The following RAB2A variants were observed in gnomAD, a reference collection of about 807,000 sequenced individuals.
RAB2A encodes the protein RAB2A, member RAS oncogene family.
In RAB2A, 7 loss-of-function variants were observed where a neutral mutation model predicts 32.5. The ratio of observed to expected loss-of-function variants is 0.22; its 90% CI spans 0.12 to 0.40. The LOEUF is 0.40. RAB2A is among the 10% of genes least tolerant of loss of function. The pLI, the probability that RAB2A is intolerant of heterozygous loss-of-function variation, is 1.00. For synonymous variants in RAB2A, 79 were observed against 85.2 expected (o/e 0.93, Z 0.40); for missense variants, 108 against 260.7 (o/e 0.41, Z 4.03).
intron 2 of RAB2A, among the ~76,000 whole-genome samples, chr8:60,560,439 A>T (rs1364190820): frequency 6.6e-6 from 1 of 152,206 alleles, no homozygotes. Context: ...CTCTTTGCTT[A>T]ATAGGTTTGA....
intron 2 of RAB2A, among the ~76,000 whole-genome samples, chr8:60,562,486 G>A (rs1341219249): frequency 6.6e-6 from 1 of 152,166 alleles, no homozygotes; most frequent in Non-Finnish European, 1.5e-5. Context: ...TTTAGCAACA[G>A]TCTGTTATTA....
At position 60,593,048 on chromosome 8, in the gene RAB2A, T is replaced by G. The variant is rs534465346; in HGVS notation, c.474+1079T>G. On this transcript the variant is annotated intron_variant, in intron 6 of 7. Coordinates refer to ENST00000262646, the MANE Select transcript of RAB2A (RefSeq NM_002865.3). ...AGTAAATATTTATTAAGAATGATACTTGGAGCTCTTCTGATTAACCCTTGA... is the reference window on the plus strand; with the variant it reads ...AGTAAATATTTATTAAGAATGATACGTGGAGCTCTTCTGATTAACCCTTGA... Among the ~76,000 whole-genome samples the G allele has an allele frequency of 7.9e-5, 12 of 152,352 alleles. No homozygotes were observed. The East Asian group carries it at 2.3e-3, about 29-fold the overall frequency.
intron 1 of RAB2A, among the ~76,000 whole-genome samples, chr8:60,548,620 G>A (rs1186009610): frequency 1.4e-5 from 2 of 144,968 alleles, no homozygotes; most frequent in Non-Finnish European, 3.0e-5. Flanking sequence ...TTCCCGGATG[G>A]GGCGGCTGGC....
chr8:60,595,532 T>C (rs1215917560), intron 6 of RAB2A, among the ~76,000 whole-genome samples: 2 of 152,066 alleles, frequency 1.3e-5, no homozygotes, highest in Admixed American at 1.3e-4. Flanking sequence ...TACAGTTAGG[T>C]TGAAAATAAA....
intron 1 of RAB2A, among the ~76,000 whole-genome samples, chr8:60,547,158 A>G (rs1807743159): frequency 6.6e-6 from 1 of 151,578 alleles, no homozygotes; most frequent in Admixed American, 6.6e-5. Flanking sequence ...ACCGCCCTTA[A>G]TCCATTCAAC....
chr8:60,618,851 C>A (rs935788868), intron 7 of RAB2A: 28 of 170,986 alleles, frequency 1.6e-4, no homozygotes, highest in Non-Finnish European at 3.2e-4. Context: ...TATTTATGTT[C>A]TAGTAGAGCA....
intron 2 of RAB2A, chr8:60,570,051 G>A: frequency 2.2e-6 from 1 of 456,088 alleles, no homozygotes; most frequent in Non-Finnish European, 4.4e-6. Flanking sequence ...GGATGGAATG[G>A]TCACAGGTCA....
intron 1 of RAB2A, among the ~76,000 whole-genome samples, chr8:60,527,454 A>G (rs558603153): frequency 6.6e-6 from 1 of 152,322 alleles, no homozygotes; most frequent in South Asian, 2.1e-4. Context: ...GGCAGAAGGC[A>G]AAGGGGAAGC....
chr8:60,598,809 C>T (rs1417269448), intron 6 of RAB2A, among the ~76,000 whole-genome samples: 2 of 150,772 alleles, frequency 1.3e-5, no homozygotes, highest in Non-Finnish European at 3.0e-5. Flanking sequence ...AAAAAAAAAC[C>T]CACAACTAAT....
intron 6 of RAB2A, among the ~76,000 whole-genome samples, chr8:60,599,385 C>A (rs186053504): frequency 6.6e-6 from 1 of 152,182 alleles, no homozygotes; most frequent in East Asian, 1.9e-4. Context: ...ATGTTTAACA[C>A]AATTCATATC....
At chr8:60,527,564 C>T (rs1471012269) in intron 1 of RAB2A, among the ~76,000 whole-genome samples, 1 of 152,150 alleles carries the variant, frequency 6.6e-6, no homozygotes, top group Non-Finnish European at 1.5e-5. Flanking sequence ...GTGGGGATTA[C>T]AATTCCAGAT....
chr8:60,539,380 A>T (rs567253360), intron 1 of RAB2A, among the ~76,000 whole-genome samples: 1 of 152,180 alleles, frequency 6.6e-6, no homozygotes, highest in Non-Finnish European at 1.5e-5. Flanking sequence ...TTTATTACAT[A>T]TTATCTCTTT....
At chr8:60,547,558 G>A (rs1218195355) in intron 1 of RAB2A, among the ~76,000 whole-genome samples, 2 of 148,354 alleles carry the variant, frequency 1.3e-5, no homozygotes, top group South Asian at 2.2e-4. Context: ...TGGATGGGGC[G>A]GCTGGCTGGG....
chr8:60,578,407 A>G, intron 3 of RAB2A, among the ~76,000 whole-genome samples: 1 of 152,242 alleles, frequency 6.6e-6, no homozygotes, highest in East Asian at 1.9e-4. Flanking sequence ...GCTTTGTGAA[A>G]GAATTAGGGG....
At chr8:60,553,394 C>T (rs945114905) in intron 1 of RAB2A, among the ~76,000 whole-genome samples, 5 of 152,152 alleles carry the variant, frequency 3.3e-5, no homozygotes, top group East Asian at 1.9e-4. Flanking sequence ...TTCACAGCAA[C>T]GCCTAGATTA....
At chr8:60,619,846 T>C (rs1372259226) in intron 7 of RAB2A, among the ~76,000 whole-genome samples, 1 of 152,230 alleles carries the variant, frequency 6.6e-6, no homozygotes, top group Non-Finnish European at 1.5e-5. Context: ...TCTGACTCCT[T>C]GACTCCTCAA....
intron 1 of RAB2A, among the ~76,000 whole-genome samples, chr8:60,524,198 A>G (rs547483991): frequency 6.6e-6 from 1 of 152,150 alleles, no homozygotes; most frequent in African/African-American, 2.4e-5. Flanking sequence ...GTCCCATGCC[A>G]TTCCTGTCCA....
At chr8:60,582,451 G>A (rs1030291875) in intron 3 of RAB2A, among the ~76,000 whole-genome samples, 4 of 152,188 alleles carry the variant, frequency 2.6e-5, no homozygotes, top group African/African-American at 9.7e-5. Context: ...TCAGCTATGT[G>A]GGATGGAGTA....
chr8:60,582,034 C>T (rs1257550026), intron 3 of RAB2A, among the ~76,000 whole-genome samples: 1 of 150,190 alleles, frequency 6.7e-6, no homozygotes, highest in Non-Finnish European at 1.5e-5. Context: ...TAGCCTTGAA[C>T]TCCTGGGCTC....
Sources: gnomAD v4.1 joint callset for allele counts (sites outside exome capture counted in the v4.1 genomes callset) on GRCh38, gnomAD v4.1.1 for gene constraint, MANE v1.5 for transcripts, NCBI Gene and HGNC (gene_info 2026-07-23, HGNC 2026-07-21) for gene names.